Variants in BACH2 observed in about 807,000 individuals in gnomAD.
BACH2 encodes the protein transcription regulator protein BACH2.
Under a neutral mutation model 61.8 loss-of-function variants are expected in BACH2, and 5 were observed. The observed-to-expected ratio is 0.08, with a 90% CI of 0.04 to 0.17. The LOEUF (loss-of-function observed/expected upper bound fraction) is 0.17. Ranked by LOEUF, BACH2 falls within the 10% of genes least tolerant of loss-of-function variation. The probability of loss-of-function intolerance (pLI) is 1.00; values close to 1 mark genes in which losing one functional copy is unlikely to be tolerated. For missense variants in BACH2, 824 were observed against 1,091.1 expected, an observed-to-expected ratio of 0.76 and a Z score of 3.45; for synonymous variants, 446 against 440.1, an observed-to-expected ratio of 1.01 and a Z score of -0.17.
intron 4 of BACH2, among the ~76,000 whole-genome samples, chr6:90,150,239 T>C (rs906205942): frequency 2.0e-5 from 3 of 152,186 alleles, no homozygotes; most frequent in Admixed American, 6.5e-5. Flanking sequence ...TGGACTTTTA[T>C]TGGACAATTG....
intron 3 of BACH2, among the ~76,000 whole-genome samples, chr6:90,247,767 C>CA (rs1425469742): frequency 1.3e-5 from 2 of 152,172 alleles, no homozygotes; most frequent in Non-Finnish European, 2.9e-5. Flanking sequence ...TGCCTTTACC[C>CA]AAGTGGTTCC....
At chr6:90,119,891 T>C (rs554481081) in intron 4 of BACH2, among the ~76,000 whole-genome samples, 54 of 152,230 alleles carry the variant, frequency 3.5e-4, no homozygotes, top group Admixed American at 1.1e-3. Flanking sequence ...TTGGTTTGTG[T>C]TGTCACAATC....
At chr6:89,952,006 C>T in intron 6 of BACH2, 144 bp from the exon 7 acceptor site, 1 of 935,344 alleles carries the variant, frequency 1.1e-6, no homozygotes, top group Non-Finnish European at 1.6e-6. Flanking sequence ...AGTACTGGGT[C>T]AGCAATGATT....
chr6:90,098,269 C>A (rs1782462297), intron 4 of BACH2, among the ~76,000 whole-genome samples: 2 of 110,454 alleles, frequency 1.8e-5, no homozygotes, highest in Non-Finnish European at 2.0e-5. Context: ...AGCAAGATTT[C>A]TTTGCCCCCC....
At chr6:90,233,467 G>A (rs997531084) in intron 3 of BACH2, among the ~76,000 whole-genome samples, 1 of 152,142 alleles carries the variant, frequency 6.6e-6, no homozygotes, top group African/African-American at 2.4e-5. Context: ...GTATAGTGCT[G>A]GCTTAGAATG....
chr6:90,212,422 C>A (rs1011792332), intron 3 of BACH2, among the ~76,000 whole-genome samples: 4 of 152,154 alleles, frequency 2.6e-5, no homozygotes, highest in Non-Finnish European at 4.4e-5. Flanking sequence ...AGGTCCCTCT[C>A]CATCCTCAAA....
chr6:90,137,427 T>C (rs1004517140), intron 4 of BACH2, among the ~76,000 whole-genome samples: 2 of 152,186 alleles, frequency 1.3e-5, no homozygotes, highest in African/African-American at 4.8e-5. Context: ...TAGCTTGAAC[T>C]TCAAAGAAAC....
chr6:90,226,005 G>A (rs1200151428), intron 3 of BACH2, among the ~76,000 whole-genome samples: 2 of 152,162 alleles, frequency 1.3e-5, no homozygotes, highest in Admixed American at 6.5e-5. Context: ...GAGGCACCCA[G>A]TGGTCTGTTT....
intron 2 of BACH2, among the ~76,000 whole-genome samples, chr6:90,271,382 A>T (rs1012813175): frequency 1.4e-5 from 2 of 143,820 alleles, no homozygotes; most frequent in Non-Finnish European, 3.0e-5. Flanking sequence ...AAAAAAAAAA[A>T]GAAAAAAGAA....
At chr6:90,052,495 C>A (rs754863926) in intron 5 of BACH2, among the ~76,000 whole-genome samples, 1 of 152,210 alleles carries the variant, frequency 6.6e-6, no homozygotes, top group African/African-American at 2.4e-5. Flanking sequence ...TCTTGGCTCA[C>A]TGCAACCTCC....
rs192597394 is a variant in BACH2 at position 89,990,654 on chromosome 6, C to T, written c.243+17948G>A. On this transcript the variant is annotated intron_variant, in intron 6 of 8. Coordinates refer to ENST00000257749, the MANE Select transcript of BACH2 (RefSeq NM_021813.4). ...CCACCCCCACCGACCCCTCCAACCT[C>T]TGGTCCATGTTCGTATGTCACCTTC... 6.6e-5 allele frequency among the ~76,000 whole-genome samples: 10 copies of T among 152,186 alleles called. No individual in the cohort carries two copies. The East Asian group carries it at 1.4e-3, about 21-fold the overall frequency.
At chr6:89,978,256 C>G (rs1775762586) in intron 6 of BACH2, among the ~76,000 whole-genome samples, 1 of 152,118 alleles carries the variant, frequency 6.6e-6, no homozygotes, top group Non-Finnish European at 1.5e-5. Context: ...GGGTTTTAGT[C>G]TGTATTCCTC....
chr6:90,126,573 TTA>T (rs1389023908), intron 4 of BACH2, among the ~76,000 whole-genome samples: 4 of 152,210 alleles, frequency 2.6e-5, no homozygotes, highest in Non-Finnish European at 5.9e-5. Context: ...AGTGAAGTGA[TTA>T]TGTTTTAACT....
intron 5 of BACH2, among the ~76,000 whole-genome samples, chr6:90,059,586 G>A (rs13217484): frequency 1.3e-5 from 2 of 151,994 alleles, no homozygotes; most frequent in Non-Finnish European, 1.5e-5. Context: ...AGGGATCTAG[G>A]ACTAGAAATA....
intron 6 of BACH2, among the ~76,000 whole-genome samples, chr6:89,957,896 A>G (rs1158538885): frequency 6.6e-6 from 1 of 152,208 alleles, no homozygotes; most frequent in Non-Finnish European, 1.5e-5. Context: ...TAAGGTAATA[A>G]TATAAAAACT....
chr6:90,050,823 G>A (rs1258308017), intron 5 of BACH2, among the ~76,000 whole-genome samples: 1 of 151,154 alleles, frequency 6.6e-6, no homozygotes, highest in Non-Finnish European at 1.5e-5. Flanking sequence ...AGCCTGGAGT[G>A]CAATGGCGCG....
chr6:90,071,661 T>C (rs1397942710), intron 5 of BACH2, among the ~76,000 whole-genome samples: 1 of 152,226 alleles, frequency 6.6e-6, no homozygotes, highest in Non-Finnish European at 1.5e-5. Context: ...GGAAGACCCT[T>C]GCATAACACA....
At chr6:90,258,444 A>C (rs1172831456) in intron 2 of BACH2, among the ~76,000 whole-genome samples, 2 of 152,140 alleles carry the variant, frequency 1.3e-5, no homozygotes, top group Non-Finnish European at 2.9e-5. Context: ...ATGCCTGTAT[A>C]ATACTGTCTT....
At chr6:90,009,089 T>A (rs1777567999) in intron 5 of BACH2, among the ~76,000 whole-genome samples, 1 of 152,190 alleles carries the variant, frequency 6.6e-6, no homozygotes, top group Admixed American at 6.5e-5. Context: ...GCTTCCTACT[T>A]ACCGCATTCT....
Sources: allele counts gnomAD v4.1 joint callset (sites outside exome capture counted in the v4.1 genomes callset), GRCh38; gene constraint gnomAD v4.1.1; transcripts MANE v1.5; gene names NCBI Gene and HGNC (gene_info 2026-07-23, HGNC 2026-07-21).